Variants in FOXN3 observed in about 807,000 individuals in gnomAD.
FOXN3 encodes the protein forkhead box protein N3.
In FOXN3, 7 loss-of-function variants were observed where a neutral mutation model predicts 38.4. That is an observed-to-expected ratio of 0.18 (90% CI 0.10 to 0.34). The LOEUF (loss-of-function observed/expected upper bound fraction) is 0.34, where lower values mean the gene tolerates loss of function less well. FOXN3 is among the 10% of genes least tolerant of loss of function. FOXN3 has a pLI of 1.00. For synonymous variants in FOXN3, 230 were observed against 242.2 expected (o/e 0.95, Z 0.47); for missense variants, 456 against 613.4 (o/e 0.74, Z 2.71).
chr14:89,337,157 T>C (rs1180375600), intron 3 of FOXN3, among the ~76,000 whole-genome samples: 1 of 152,120 alleles, frequency 6.6e-6, no homozygotes, highest in Non-Finnish European at 1.5e-5. Flanking sequence ...CACCACAGAT[T>C]TGTGAGTTCT....
chr14:89,508,793 A>G (rs1158474574), intron 1 of FOXN3, among the ~76,000 whole-genome samples: 1 of 152,152 alleles, frequency 6.6e-6, no homozygotes. Context: ...TGCATTTTTA[A>G]CAAGCACTCA....
chr14:89,370,337 A>T (rs1890279574), intron 2 of FOXN3, among the ~76,000 whole-genome samples: 1 of 152,240 alleles, frequency 6.6e-6, no homozygotes, highest in Admixed American at 6.5e-5. Context: ...TCCCAAGATC[A>T]CAACCAGCAA....
At chr14:89,239,917 G>T (rs78324948) in intron 4 of FOXN3, among the ~76,000 whole-genome samples, 5,400 of 152,258 alleles carry the variant, frequency 0.035, 137 homozygotes, top group African/African-American at 0.066. Flanking sequence ...AGCCAAGAGG[G>T]TCTGCACCCA....
At chr14:89,165,443 G>A (rs975045391) in intron 5 of FOXN3, among the ~76,000 whole-genome samples, 1 of 152,210 alleles carries the variant, frequency 6.6e-6, no homozygotes, top group African/African-American at 2.4e-5. Flanking sequence ...ACTCTGAGCA[G>A]TCTTGTTTTC....
chr14:89,381,532 C>CAAAAAAAAAAAAAAAAAAAAAAAAAA (rs71897384), intron 2 of FOXN3, among the ~76,000 whole-genome samples: 1 of 75,938 alleles, frequency 1.3e-5, no homozygotes. Flanking sequence ...CCTCAAAAAG[C>CAAAAAAAAAAAAAAAAAAAAAAAAAA]AAAAAAAAAA....
rs190522044 is a variant in FOXN3 at position 89,261,265 on chromosome 14, T to C, written c.745+19685A>G. Among the ~76,000 whole-genome samples the C allele has an allele frequency of 2.6e-5, 4 of 152,242 alleles. No homozygotes were observed. The East Asian group carries it at 7.7e-4, about 29-fold the overall frequency. ...ATGGCAGGCATGGGAGCAACACCACTGAAGTCTTTCCTGAGATCTATCACT... is the reference window on the plus strand; with the variant it reads ...ATGGCAGGCATGGGAGCAACACCACCGAAGTCTTTCCTGAGATCTATCACT... On this transcript the variant is annotated intron_variant, in intron 4 of 5. Transcript: ENST00000557258.
chr14:89,206,292 G>A (rs1173427810), intron 4 of FOXN3, among the ~76,000 whole-genome samples: 1 of 152,204 alleles, frequency 6.6e-6, no homozygotes, highest in Non-Finnish European at 1.5e-5. Context: ...AGGGACACAT[G>A]CTTTTAAAGG....
intron 4 of FOXN3, among the ~76,000 whole-genome samples, chr14:89,253,382 T>C (rs2139881953): frequency 6.6e-6 from 1 of 152,158 alleles, no homozygotes; most frequent in Non-Finnish European, 1.5e-5. Flanking sequence ...GGCCTCAAGG[T>C]GGAGATTCGG....
At chr14:89,618,229 C>T (rs1355822242) in intron 1 of FOXN3, among the ~76,000 whole-genome samples, 1 of 152,052 alleles carries the variant, frequency 6.6e-6, no homozygotes, top group African/African-American at 2.4e-5. Context: ...GAGGGCTCCC[C>T]GAGCCCAACC....
chr14:89,213,622 A>G (rs532014904), intron 4 of FOXN3, among the ~76,000 whole-genome samples: 13 of 152,242 alleles, frequency 8.5e-5, no homozygotes, highest in Non-Finnish European at 1.9e-4. Context: ...CAGCTGAAAT[A>G]TACAGATAAG....
At chr14:89,320,089 G>A (rs759987167) in intron 3 of FOXN3, among the ~76,000 whole-genome samples, 3 of 152,190 alleles carry the variant, frequency 2.0e-5, no homozygotes, top group East Asian at 1.9e-4. Flanking sequence ...AAACATTTGC[G>A]GGCAGCCGGG....
chr14:89,619,133 G>C (rs1238732829), upstream of FOXN3: 2 of 151,210 alleles, frequency 1.3e-5, no homozygotes. Context: ...TCTCCCGGCC[G>C]AGCTGCAGCA....
chr14:89,217,703 T>C (rs949739284), intron 4 of FOXN3, among the ~76,000 whole-genome samples: 1 of 152,218 alleles, frequency 6.6e-6, no homozygotes, highest in Non-Finnish European at 1.5e-5. Flanking sequence ...TTTAAAATAG[T>C]CTTGGTAGTT....
chr14:89,615,422 G>A (rs1301100492), intron 1 of FOXN3, among the ~76,000 whole-genome samples: 1 of 152,148 alleles, frequency 6.6e-6, no homozygotes, highest in Non-Finnish European at 1.5e-5. Context: ...GTTGCACATG[G>A]TTGTACCACG....
chr14:89,430,085 A>G (rs182086499), intron 1 of FOXN3, among the ~76,000 whole-genome samples: 187 of 152,344 alleles, frequency 1.2e-3, no homozygotes, highest in Admixed American at 3.3e-3. Context: ...ATGATGCTCT[A>G]AAAATAGCAG....
At chr14:89,605,453 T>A (rs1338817464) in intron 1 of FOXN3, among the ~76,000 whole-genome samples, 1 of 150,284 alleles carries the variant, frequency 6.7e-6, no homozygotes, top group African/African-American at 2.5e-5. Flanking sequence ...ACAAAAGAAT[T>A]CAAAAGAAAG....
chr14:89,278,567 G>A (rs981132310), intron 4 of FOXN3, among the ~76,000 whole-genome samples: 3 of 152,080 alleles, frequency 2.0e-5, no homozygotes, highest in Admixed American at 2.0e-4. Flanking sequence ...CCAGTCACTG[G>A]TCCCACAGCA....
At chr14:89,547,499 T>C (rs927254607) in intron 1 of FOXN3, among the ~76,000 whole-genome samples, 18 of 152,154 alleles carry the variant, frequency 1.2e-4, no homozygotes, top group Non-Finnish European at 2.5e-4. Context: ...GGTTTCACCA[T>C]GTTGGCCAGG....
intron 1 of FOXN3, among the ~76,000 whole-genome samples, chr14:89,466,164 GC>G (rs2139737242): frequency 6.6e-6 from 1 of 152,324 alleles, no homozygotes; most frequent in East Asian, 1.9e-4. Context: ...CTAGTCTGCA[GC>G]TTCCACTTCA....
Sources: gnomAD v4.1 joint callset for allele counts (sites outside exome capture counted in the v4.1 genomes callset) on GRCh38, gnomAD v4.1.1 for gene constraint, MANE v1.5 for transcripts, NCBI Gene and HGNC (gene_info 2026-07-23, HGNC 2026-07-21) for gene names.